PCDH9: variants seen among roughly 807,000 people sequenced by gnomAD.
PCDH9 encodes protocadherin 9.
A neutral mutation model predicts 70.6 loss-of-function variants in PCDH9; 24 were observed. The ratio of observed to expected loss-of-function variants is 0.34; its 90% CI spans 0.25 to 0.48. PCDH9 has a LOEUF of 0.48. Ranked by LOEUF, PCDH9 falls within the 20% of genes least tolerant of loss-of-function variation. The pLI, the probability that PCDH9 is intolerant of heterozygous loss-of-function variation, is 0.99. For synonymous variants in PCDH9, 562 were observed against 558.5 expected (o/e 1.01, Z -0.09); for missense variants, 1,281 against 1,503.6 (o/e 0.85, Z 2.45).
chr13:67,180,066 C>G (rs775782574), intron 2 of PCDH9, among the ~76,000 whole-genome samples: 8 of 151,848 alleles, frequency 5.3e-5, no homozygotes, highest in Non-Finnish European at 1.2e-4. Flanking sequence ...TAGAAAATAT[C>G]TCTTAGAATT....
At chr13:66,821,537 C>G (rs1009157740) in intron 3 of PCDH9, among the ~76,000 whole-genome samples, 1 of 152,048 alleles carries the variant, frequency 6.6e-6, no homozygotes, top group African/African-American at 2.4e-5. Context: ...TAGAAAAAGT[C>G]AGTATTTTAA....
intron 2 of PCDH9, among the ~76,000 whole-genome samples, chr13:67,109,592 GCTAA>G (rs780736699): frequency 9.7e-4 from 148 of 152,162 alleles, no homozygotes; most frequent in African/African-American, 1.9e-3. Flanking sequence ...CAATATTTAT[GCTAA>G]CTATTTGAAT....
intron 3 of PCDH9, among the ~76,000 whole-genome samples, chr13:66,724,441 CT>C (rs1160691587): frequency 1.3e-5 from 2 of 152,152 alleles, no homozygotes; most frequent in Non-Finnish European, 2.9e-5. Context: ...CTTTACATTT[CT>C]CTCCTTATCT....
chr13:66,920,951 A>G (rs560747890), intron 2 of PCDH9, among the ~76,000 whole-genome samples: 1 of 151,362 alleles, frequency 6.6e-6, no homozygotes, highest in East Asian at 1.9e-4. Flanking sequence ...TATCCTCAAA[A>G]TCTGCAACAC....
rs765783243 is a variant in PCDH9, at chr13:66,631,326, C to G, written c.3224G>C (p.Gly1075Ala). 6.2e-7 allele frequency: 1 copy of G among 1,606,624 alleles called. No homozygotes were observed. The highest frequency in any genetic ancestry group is 8.5e-7 in the Non-Finnish European group (1 of 1,173,256). The change falls in exon 4 of 5, where the codon GGT (glycine) becomes GCT (alanine). Residue 1075 changes from glycine to alanine, a missense_variant. Physicochemically the swap from Gly to Ala is moderately conservative, Grantham distance 60. Around this residue, in one of 4 missense-constraint regions of PCDH9, gnomAD observed 264 missense variants for 278.8 expected, o/e 0.95. Coordinates refer to ENST00000377865, the MANE Select transcript of PCDH9 (RefSeq NM_203487.3). ...AGGGTGTGAGATCAGGGTTCCACTA[C>G]CCACCGGCTCATGGTCTCCTAGACC... ...DSGLGDHEPVGSGTLISHPLP... is the reference protein window; with the variant it reads ...DSGLGDHEPVASGTLISHPLP...
At position 67,147,178 on chromosome 13, in the gene PCDH9, A is replaced by T. The variant is rs372587612; in HGVS notation, c.3036+78227T>A. Among the ~76,000 whole-genome samples, 25 of 152,162 alleles carry T rather than the reference A, an allele frequency of 1.6e-4. 1 individual carries two copies. The highest frequency in any genetic ancestry group is 7.7e-4 in the East Asian group (4 of 5,202). On this transcript the variant is annotated intron_variant, in intron 2 of 4. Transcript: ENST00000377865. ...TCCGAAATCATCATTTTCAGGCTTAACTTTCTTTTTTATTCAGTTTCTTAT... is the reference window on the plus strand; with the variant it reads ...TCCGAAATCATCATTTTCAGGCTTATCTTTCTTTTTTATTCAGTTTCTTAT...
chr13:66,814,973 A>G (rs931806895), intron 3 of PCDH9, among the ~76,000 whole-genome samples: 1 of 152,132 alleles, frequency 6.6e-6, no homozygotes, highest in African/African-American at 2.4e-5. Context: ...TAGACAGACA[A>G]CCTACAGTAT....
rs770705008 is a variant in PCDH9, at chr13:66,489,300, T to C, written c.3340+141910A>G. ...ATTCCAAGACTGGGGTTTTTGCCCT[T>C]TGTTCTTACTCCAGAAGTCCTCTGG... is the stretch of plus-strand genomic sequence containing the variant. On this transcript the variant is annotated intron_variant, in intron 4 of 4. Coordinates refer to ENST00000377865, the MANE Select transcript of PCDH9 (RefSeq NM_203487.3). 8.2e-4 allele frequency among the ~76,000 whole-genome samples: 125 copies of C among 152,104 alleles called. 1 individual carries two copies. Among genetic ancestry groups the C allele is most frequent in the Non-Finnish European group, 1.5e-3 (104 of 68,020 alleles).
At chr13:66,998,923 T>C (rs1309403718) in intron 2 of PCDH9, among the ~76,000 whole-genome samples, 1 of 152,162 alleles carries the variant, frequency 6.6e-6, no homozygotes, top group Non-Finnish European at 1.5e-5. Context: ...AAAAATTAAA[T>C]AAAGAGCAAC....
At chr13:66,462,780 T>A (rs564075979) in intron 4 of PCDH9, among the ~76,000 whole-genome samples, 74 of 151,666 alleles carry the variant, frequency 4.9e-4, no homozygotes, top group Non-Finnish European at 8.4e-4. Flanking sequence ...GGCCTGCAGG[T>A]CAGTCCCCAA....
intron 2 of PCDH9, among the ~76,000 whole-genome samples, chr13:66,905,838 G>A (rs12875389): frequency 0.081 from 12,314 of 152,140 alleles, 681 homozygotes; most frequent in South Asian, 0.15. Flanking sequence ...ACAGGTTCAG[G>A]TATATTCAGT....
At position 66,303,782 on chromosome 13, in the gene PCDH9, G is replaced by A. The variant is rs1482856103; in HGVS notation, c.*873C>T. The A allele has an allele frequency of 6.6e-6, 1 of 152,030 alleles. No homozygotes were observed. Among genetic ancestry groups the A allele is most frequent in the African/African-American group, 2.4e-5 (1 of 41,386 alleles). The allele number at this position is 152,030 out of a possible 1,614,324, so 9.4% of individuals were successfully genotyped here. On this transcript the variant is annotated 3_prime_UTR_variant, in exon 5 of 5. Transcript: ENST00000377865. ...TTTGAAAATAAGATGATAAAAAATA[G>A]GTTCTGAATTTCCAAGCTTTTGCAG...
intron 4 of PCDH9, among the ~76,000 whole-genome samples, chr13:66,384,362 G>C (rs1956893376): frequency 6.6e-6 from 1 of 151,952 alleles, no homozygotes; most frequent in African/African-American, 2.4e-5. Context: ...TAAAAAGAGA[G>C]GAATATTATG....
intron 4 of PCDH9, among the ~76,000 whole-genome samples, chr13:66,504,198 G>A (rs1007303280): frequency 6.6e-6 from 1 of 152,148 alleles, no homozygotes; most frequent in African/African-American, 2.4e-5. Context: ...GTCTAAAAAC[G>A]TCTACTGAAC....
At chr13:67,003,376 T>C (rs943982909) in intron 2 of PCDH9, among the ~76,000 whole-genome samples, 8 of 146,284 alleles carry the variant, frequency 5.5e-5, no homozygotes, top group South Asian at 2.1e-4. Context: ...TAAGTAATGG[T>C]AAAAAAGAAA....
At chr13:66,919,956 G>GT (rs1388730029) in intron 2 of PCDH9, among the ~76,000 whole-genome samples, 4 of 150,698 alleles carry the variant, frequency 2.7e-5, no homozygotes, top group South Asian at 2.1e-4. Context: ...TTAGGGTAAT[G>GT]TTTTTTTTAA....
chr13:67,084,815 A>G (rs1009953204), intron 2 of PCDH9, among the ~76,000 whole-genome samples: 12 of 150,934 alleles, frequency 8.0e-5, no homozygotes, highest in African/African-American at 2.9e-4. Flanking sequence ...AAAAATATAA[A>G]AATTAGCTGG....
At chr13:66,342,449 G>A (rs1487153051) in intron 4 of PCDH9, among the ~76,000 whole-genome samples, 1 of 152,146 alleles carries the variant, frequency 6.6e-6, no homozygotes. Flanking sequence ...GACATTACAT[G>A]TATTGAGGAA....
At chr13:66,844,637 C>T (rs1373485806) in intron 3 of PCDH9, among the ~76,000 whole-genome samples, 2 of 151,430 alleles carry the variant, frequency 1.3e-5, no homozygotes, top group Non-Finnish European at 2.9e-5. Flanking sequence ...GCACGGTAAC[C>T]ATGAGTATCC....
Sources: gnomAD v4.1 joint callset for allele counts (sites outside exome capture counted in the v4.1 genomes callset) on GRCh38, gnomAD v4.1.1 for gene constraint, gnomAD v4.1.1 regional missense constraint, MANE v1.5 for transcripts, NCBI Gene and HGNC (gene_info 2026-07-23, HGNC 2026-07-21) for gene names.